The following ADAMTS3 variants were observed in gnomAD, a reference collection of about 807,000 sequenced individuals.
ADAMTS3 encodes ADAM metallopeptidase with thrombospondin type 1 motif 3, also known as A disintegrin and metalloproteinase with thrombospondin motifs 3.
In ADAMTS3, 73 loss-of-function variants were observed where a neutral mutation model predicts 129.0. That is an observed-to-expected ratio of 0.57 (90% CI 0.47 to 0.69). The LOEUF (loss-of-function observed/expected upper bound fraction) is 0.69. ADAMTS3 is among the 30% of genes least tolerant of loss of function. The pLI is 0.00. For synonymous variants in ADAMTS3, 477 were observed against 510.8 expected (o/e 0.93, Z 0.89); for missense variants, 1,457 against 1,514.5 (o/e 0.96, Z 0.63).
At chr4:72,432,068 GA>G (rs1722713634) in intron 3 of ADAMTS3, among the ~76,000 whole-genome samples, 1 of 151,890 alleles carries the variant, frequency 6.6e-6, no homozygotes, top group East Asian at 2.0e-4. Flanking sequence ...AGAAAGCTTG[GA>G]GTCATTCTTG....
chr4:72,544,615 G>GCTTTTGTT (rs1721420628), intron 3 of ADAMTS3, among the ~76,000 whole-genome samples: 1 of 152,150 alleles, frequency 6.6e-6, no homozygotes, highest in African/African-American at 2.4e-5. Flanking sequence ...TCAATTCTGT[G>GCTTTTGTT]CTGTGCTTTT....
At chr4:72,420,057 A>T (rs772170303) in intron 3 of ADAMTS3, among the ~76,000 whole-genome samples, 55 of 152,066 alleles carry the variant, frequency 3.6e-4, no homozygotes, top group Non-Finnish European at 3.2e-4. Flanking sequence ...AATTAATTTA[A>T]AAGTGATTTC....
At chr4:72,428,878 C>T (rs942918995) in intron 3 of ADAMTS3, among the ~76,000 whole-genome samples, 4 of 151,910 alleles carry the variant, frequency 2.6e-5, no homozygotes, top group Admixed American at 1.3e-4. Context: ...GCCAATATCC[C>T]GAAACCCACT....
intron 4 of ADAMTS3, among the ~76,000 whole-genome samples, chr4:72,379,551 C>T (rs573359452): frequency 1.3e-5 from 2 of 151,794 alleles, no homozygotes; most frequent in East Asian, 3.9e-4. Flanking sequence ...AAGTTCAAGT[C>T]AATCATAGAG....
chr4:72,308,178 A>G (rs923967099), intron 15 of ADAMTS3, among the ~76,000 whole-genome samples: 1 of 152,038 alleles, frequency 6.6e-6, no homozygotes, highest in Non-Finnish European at 1.5e-5. Flanking sequence ...TAATACACGT[A>G]TATAATTATA....
chr4:72,533,529 T>C (rs1468104589), intron 3 of ADAMTS3, among the ~76,000 whole-genome samples: 1 of 101,756 alleles, frequency 9.8e-6, no homozygotes, highest in African/African-American at 3.2e-5. Flanking sequence ...TCATTTATTA[T>C]CATCAAGTAC....
At chr4:72,560,199 T>G (rs766174074) in intron 2 of ADAMTS3, among the ~76,000 whole-genome samples, 7 of 143,028 alleles carry the variant, frequency 4.9e-5, no homozygotes, top group Admixed American at 1.4e-4. Flanking sequence ...GATTAAAGAC[T>G]TAAATGTAAA....
At chr4:72,399,924 ATACGTGTGTATATATG>A (rs1721851263) in intron 4 of ADAMTS3, among the ~76,000 whole-genome samples, 2 of 18,744 alleles carry the variant, frequency 1.1e-4, no homozygotes, top group South Asian at 3.4e-3. Context: ...CGGTGTGTAT[ATACGTGTGTATATATG>A]CACACACGGT....
At chr4:72,328,159 G>A (rs968915303) in intron 5 of ADAMTS3, among the ~76,000 whole-genome samples, 4 of 152,180 alleles carry the variant, frequency 2.6e-5, no homozygotes, top group African/African-American at 9.7e-5. Flanking sequence ...TTTTCTGTGA[G>A]GTGTTCAGGG....
intron 3 of ADAMTS3, among the ~76,000 whole-genome samples, chr4:72,450,969 A>AAGAAG (rs67162859): frequency 0.14 from 19,888 of 139,866 alleles, 1,817 homozygotes; most frequent in Admixed American, 0.25. Flanking sequence ...GGCAGGCAAA[A>AAGAAG]AGAAGAGAAG....
intron 3 of ADAMTS3, among the ~76,000 whole-genome samples, chr4:72,520,651 C>T (rs536471302): frequency 5.9e-5 from 9 of 152,320 alleles, no homozygotes; most frequent in Middle Eastern, 3.4e-3. Context: ...AAGCCATGTG[C>T]GGGATATAAT....
intron 3 of ADAMTS3, among the ~76,000 whole-genome samples, chr4:72,493,541 G>A (rs1719799965): frequency 6.6e-6 from 1 of 151,966 alleles, no homozygotes; most frequent in Non-Finnish European, 1.5e-5. Context: ...TGTAGAAAGA[G>A]TGTGCTTCAT....
At chr4:72,390,821 C>T (rs944812427) in intron 4 of ADAMTS3, among the ~76,000 whole-genome samples, 3 of 151,390 alleles carry the variant, frequency 2.0e-5, no homozygotes, top group Admixed American at 2.0e-4. Flanking sequence ...AAACATAAAC[C>T]GTTCCTGAAA....
chr4:72,502,674 T>C (rs938666135), intron 3 of ADAMTS3, among the ~76,000 whole-genome samples: 2 of 152,136 alleles, frequency 1.3e-5, no homozygotes, highest in African/African-American at 4.8e-5. Flanking sequence ...TTTTTCTAGT[T>C]CCCCTAAGTT....
rs530843795 is a variant in ADAMTS3, at chr4:72,334,731, A to G, written c.861+4763T>C. Reference sequence around the variant, plus strand: ...ACTTTCCCAGTAAATCAACCATGTTACAAGTTAGTAAAACTATAAACATTT... The same window carrying G: ...ACTTTCCCAGTAAATCAACCATGTTGCAAGTTAGTAAAACTATAAACATTT... On this transcript the variant is annotated intron_variant, in intron 5 of 21. Coordinates refer to ENST00000286657, the MANE Select transcript of ADAMTS3 (RefSeq NM_014243.3). Among the ~76,000 whole-genome samples the G allele has an allele frequency of 9.8e-5, 15 of 152,306 alleles. 1 individual carries two copies. The South Asian group carries it at 3.1e-3, about 32-fold the overall frequency.
intron 5 of ADAMTS3, among the ~76,000 whole-genome samples, chr4:72,329,585 T>C (rs1274296634): frequency 2.0e-5 from 3 of 152,164 alleles, no homozygotes; most frequent in African/African-American, 4.8e-5. Context: ...AATACCTTGC[T>C]CTATGTTGTG....
intron 4 of ADAMTS3, among the ~76,000 whole-genome samples, chr4:72,407,725 T>C (rs931238787): frequency 1.2e-4 from 18 of 152,064 alleles, no homozygotes; most frequent in Non-Finnish European, 2.4e-4. Flanking sequence ...ATATCTCAGG[T>C]CAAAAGCACT....
chr4:72,497,698 T>G lies in ADAMTS3; in HGVS notation c.504+50780A>C, dbSNP rs1054808378. Reference sequence around the variant, plus strand: ...CCTAATATTTAAAATATAACAAAGCTGCCTCCAAAAAAATCTCAACTTTTC... The same window carrying G: ...CCTAATATTTAAAATATAACAAAGCGGCCTCCAAAAAAATCTCAACTTTTC... On this transcript the variant is annotated intron_variant, in intron 3 of 21. Transcript: ENST00000286657. Among the ~76,000 whole-genome samples, 17 of 151,308 alleles carry G rather than the reference T, an allele frequency of 1.1e-4. No homozygotes were observed. The Middle Eastern group carries it at 0.01, about 91-fold the overall frequency.
At chr4:72,475,690 T>C (rs565030201) in intron 3 of ADAMTS3, among the ~76,000 whole-genome samples, 19 of 151,516 alleles carry the variant, frequency 1.3e-4, no homozygotes, top group Non-Finnish European at 2.2e-4. Flanking sequence ...TACTGAAGAA[T>C]AGGAAACTAT....
Sources: allele counts gnomAD v4.1 joint callset (sites outside exome capture counted in the v4.1 genomes callset), GRCh38; gene constraint gnomAD v4.1.1; transcripts MANE v1.5; gene names NCBI Gene and HGNC (gene_info 2026-07-23, HGNC 2026-07-21).